Variants in SHQ1 observed in about 807,000 individuals in gnomAD.
SHQ1 encodes the protein protein SHQ1 homolog.
SHQ1 carries 49 observed loss-of-function variants against 53.8 expected under a neutral mutation model. The observed-to-expected ratio is 0.91, with a 90% confidence interval of 0.72 to 1.16. SHQ1 has a LOEUF of 1.16. Among genes scored for constraint, SHQ1 ranks in the 50% most tolerant of loss-of-function variants. SHQ1 has a pLI of 0.00. For synonymous variants in SHQ1, 243 were observed against 251.0 expected (o/e 0.97, Z 0.30); for missense variants, 738 against 683.1 (o/e 1.08, Z -0.90).
chr3:72,847,523 A>G (rs1444410081), intron 1 of SHQ1, among the ~76,000 whole-genome samples: 1 of 152,198 alleles, frequency 6.6e-6, no homozygotes, highest in African/African-American at 2.4e-5. Flanking sequence ...ACTACGAGTT[A>G]TCAGTGTTAG....
rs150976970 is a variant in SHQ1, at chr3:72,768,990, C to T, written c.1182-18154G>A. 3.7e-3 allele frequency among the ~76,000 whole-genome samples: 561 copies of T among 152,264 alleles called. 3 individuals carry two copies. The highest frequency in any genetic ancestry group is 0.027 in the South Asian group (129 of 4,828). On this transcript the variant is annotated intron_variant, in intron 10 of 10. Transcript: ENST00000325599. ...TAGGACCCAGCTATACAGCAGTGCA[C>T]AAGAAAAACATGGCTCCTGCTTGAA...
intron 4 of SHQ1, among the ~76,000 whole-genome samples, chr3:72,835,277 T>C (rs1575735237): frequency 6.6e-6 from 1 of 152,004 alleles, no homozygotes; most frequent in Non-Finnish European, 1.5e-5. Context: ...CTACAGGCTG[T>C]TGTGAGGATT....
At chr3:72,743,508 C>T in the SHQ1 span, among the ~76,000 whole-genome samples, 1 of 152,220 alleles carries the variant, frequency 6.6e-6, no homozygotes, top group Non-Finnish European at 1.5e-5. Flanking sequence ...AAGAAAGACA[C>T]ACTTGATCTT....
intron 10 of SHQ1, among the ~76,000 whole-genome samples, chr3:72,752,646 C>T (rs1366771599): frequency 6.6e-6 from 1 of 152,056 alleles, no homozygotes; most frequent in East Asian, 1.9e-4. Flanking sequence ...CCTGCCTCAG[C>T]ATCCCGAGTA....
chr3:72,812,633 T>C, intron 9 of SHQ1, 38 bp downstream of exon 9: 1 of 1,607,168 alleles, frequency 6.2e-7, no homozygotes, highest in Non-Finnish European at 8.5e-7. Context: ...ACTTACAACT[T>C]TTTCCCTCCC....
chr3:72,734,370 T>C, the SHQ1 span, among the ~76,000 whole-genome samples: 2,109 of 151,098 alleles, frequency 0.014, 91 homozygotes, highest in African/African-American at 0.047. Context: ...ATTCTCCTGC[T>C]TCAGCCTCCC....
At chr3:72,825,394 A>C (rs1707620729) in intron 5 of SHQ1, among the ~76,000 whole-genome samples, 1 of 151,740 alleles carries the variant, frequency 6.6e-6, no homozygotes, top group Non-Finnish European at 1.5e-5. Context: ...ACACACACAC[A>C]CACACCATTT....
rs760357181 is a variant in SHQ1, at chr3:72,750,368, A to G, written c.1650T>C (p.Val550=). 4 of 1,614,054 alleles carry G rather than the reference A, an allele frequency of 2.5e-6. No homozygotes were observed. The highest frequency in any genetic ancestry group is 3.4e-6 in the Non-Finnish European group (4 of 1,180,038). Residue 550 remains valine, a synonymous_variant, in exon 11 of 11, where the codon GTT becomes GTC. Coordinates refer to ENST00000325599, the MANE Select transcript of SHQ1 (RefSeq NM_018130.3). ...TGGTGCCCTTGGGTTCAGAAACCTG[A>G]ACTGTAGTCTTCAGTTGTTCCCCAA... ...EELGEQLKTT[V]QVSEPKGTTA...
chr3:72,834,799 A>T (rs768211059), intron 4 of SHQ1, among the ~76,000 whole-genome samples: 1 of 151,976 alleles, frequency 6.6e-6, no homozygotes, highest in Admixed American at 6.6e-5. Flanking sequence ...AATCATGCAG[A>T]CTCTCTGAAC....
chr3:72,833,556 G>T (rs1707903927), intron 4 of SHQ1, among the ~76,000 whole-genome samples: 1 of 151,688 alleles, frequency 6.6e-6, no homozygotes, highest in African/African-American at 2.4e-5. Context: ...TAGATAGATA[G>T]ATAGATAGAT....
intron 4 of SHQ1, among the ~76,000 whole-genome samples, chr3:72,839,444 A>G (rs886836342): frequency 1.2e-4 from 18 of 152,218 alleles, no homozygotes; most frequent in Non-Finnish European, 1.8e-4. Flanking sequence ...GTAAATCTCA[A>G]TGTTGTTCCC....
chr3:72,839,677 G>A (rs1030321585), intron 4 of SHQ1, among the ~76,000 whole-genome samples: 1 of 152,142 alleles, frequency 6.6e-6, no homozygotes. Context: ...GTAGGAGCGG[G>A]ACCAGAACCC....
intron 2 of SHQ1, 42 bp from the exon 3 acceptor site, chr3:72,842,444 A>G (rs1335742936): frequency 1.3e-6 from 2 of 1,583,184 alleles, no homozygotes; most frequent in Non-Finnish European, 1.7e-6. Flanking sequence ...AAAATATTTA[A>G]AAAGCTGGGC....
chr3:72,748,066 G>A (rs1479321281), downstream of SHQ1, among the ~76,000 whole-genome samples: 1 of 151,392 alleles, frequency 6.6e-6, no homozygotes, highest in African/African-American at 2.4e-5. Flanking sequence ...AGTTCAATCA[G>A]CCAGGCTGAA....
At chr3:72,847,999 C>T (rs1708403233) in intron 1 of SHQ1, among the ~76,000 whole-genome samples, 199 bp downstream of exon 1, 1 of 152,132 alleles carries the variant, frequency 6.6e-6, no homozygotes, top group Non-Finnish European at 1.5e-5. Context: ...TTTAAGAAAG[C>T]TCAAGAAGGA....
At position 72,765,560 on chromosome 3, in the gene SHQ1, T is replaced by A. The variant is rs1262207074; in HGVS notation, c.1182-14724A>T. Among the ~76,000 whole-genome samples the A allele has an allele frequency of 2.5e-3, 272 of 110,956 alleles. 2 individuals are homozygous for A. In the East Asian group the frequency reaches 0.028, roughly 11 times the overall value. 72.8% of individuals were successfully genotyped at this position (110,956 alleles called of 152,430 possible). The stretch of plus-strand genomic sequence containing the variant: ...ATATATATATATATATATATATATT[T>A]TTTTTTTTTTTTTGAGACAGTCTCA... On this transcript the variant is annotated intron_variant, in intron 10 of 10. Coordinates refer to ENST00000325599, the MANE Select transcript of SHQ1 (RefSeq NM_018130.3).
intron 10 of SHQ1, among the ~76,000 whole-genome samples, chr3:72,764,438 G>T (rs748694086): frequency 6.6e-6 from 1 of 152,176 alleles, no homozygotes; most frequent in South Asian, 2.1e-4. Flanking sequence ...GTCGTCTATA[G>T]AAAATCAAAC....
chr3:72,785,756 C>T (rs1371547785), intron 10 of SHQ1, among the ~76,000 whole-genome samples: 1 of 152,204 alleles, frequency 6.6e-6, no homozygotes, highest in Non-Finnish European at 1.5e-5. Context: ...ATTTTCCCAG[C>T]TTGAAATGCA....
intron 4 of SHQ1, among the ~76,000 whole-genome samples, chr3:72,833,194 C>A (rs565575166): frequency 5.5e-4 from 84 of 152,304 alleles, no homozygotes; most frequent in Non-Finnish European, 1.1e-3. Context: ...GTAACCCCAG[C>A]ACTTTGGGAG....
Sources: allele counts gnomAD v4.1 joint callset (sites outside exome capture counted in the v4.1 genomes callset), GRCh38; gene constraint gnomAD v4.1.1; transcripts MANE v1.5; gene names NCBI Gene and HGNC (gene_info 2026-07-23, HGNC 2026-07-21).